Variants in EEPD1 observed in about 807,000 individuals in gnomAD.
The protein encoded by EEPD1 is endonuclease/exonuclease/phosphatase family domain containing 1, also known as endonuclease/exonuclease/phosphatase family domain-containing protein 1.
EEPD1 carries 17 observed loss-of-function variants against 46.3 expected under a neutral mutation model. The observed-to-expected ratio is 0.37, with a 90% CI of 0.25 to 0.55. The LOEUF (loss-of-function observed/expected upper bound fraction) is 0.55, where lower values mean the gene tolerates loss of function less well. EEPD1 is among the 20% of genes least tolerant of loss of function. The pLI is 0.83. For missense variants in EEPD1, 673 were observed against 745.6 expected, an observed-to-expected ratio of 0.90 and a Z score of 1.13; for synonymous variants, 313 against 315.6, an observed-to-expected ratio of 0.99 and a Z score of 0.09.
chr7:36,279,119 T>G (rs775539923), intron 3 of EEPD1, among the ~76,000 whole-genome samples: 12 of 131,196 alleles, frequency 9.1e-5, no homozygotes, highest in Non-Finnish European at 1.8e-4. Context: ...CCCCCTTCCC[T>G]GCCCCTGCTT....
At chr7:36,202,536 G>A (rs917223934) in intron 2 of EEPD1, among the ~76,000 whole-genome samples, 1 of 152,038 alleles carries the variant, frequency 6.6e-6, no homozygotes, top group Non-Finnish European at 1.5e-5. Flanking sequence ...GCTCTGCGAG[G>A]GTGTCCACAG....
chr7:36,190,218 T>G (rs186837001), intron 2 of EEPD1, among the ~76,000 whole-genome samples: 1 of 152,232 alleles, frequency 6.6e-6, no homozygotes, highest in East Asian at 1.9e-4. Flanking sequence ...CAACAAATTT[T>G]AAAGTTAGCT....
intron 2 of EEPD1, among the ~76,000 whole-genome samples, chr7:36,213,637 G>A (rs539885354): frequency 1.1e-4 from 17 of 152,246 alleles, no homozygotes; most frequent in South Asian, 2.1e-4. Context: ...CAAAGGAAGC[G>A]TCAGGCCAGC....
At chr7:36,227,519 T>A (rs1485363033) in intron 2 of EEPD1, among the ~76,000 whole-genome samples, 1 of 152,176 alleles carries the variant, frequency 6.6e-6, no homozygotes, top group Non-Finnish European at 1.5e-5. Context: ...GGCCCCTGTG[T>A]TTCCTCAGCT....
chr7:36,234,163 C>T (rs1261053044), intron 2 of EEPD1, among the ~76,000 whole-genome samples: 5 of 152,122 alleles, frequency 3.3e-5, no homozygotes, highest in African/African-American at 4.8e-5. Flanking sequence ...AAATGATCTA[C>T]CTGCCTTGTT....
At chr7:36,272,962 C>G (rs1035163232) in intron 3 of EEPD1, among the ~76,000 whole-genome samples, 7 of 152,194 alleles carry the variant, frequency 4.6e-5, no homozygotes, top group Non-Finnish European at 1.0e-4. Context: ...GCCCACCAGC[C>G]CCGGCCCCTC....
intron 3 of EEPD1, among the ~76,000 whole-genome samples, chr7:36,241,473 A>AAAT (rs1562698976): frequency 1.1e-4 from 17 of 151,976 alleles, no homozygotes; most frequent in Admixed American, 7.9e-4. Flanking sequence ...ACTCTGTCTC[A>AAAT]AAATAAATAA....
At chr7:36,173,325 TAAAAAA>T (rs34007011) in intron 2 of EEPD1, among the ~76,000 whole-genome samples, 2 of 103,620 alleles carry the variant, frequency 1.9e-5, no homozygotes, top group African/African-American at 4.0e-5. Context: ...CGTTTATACT[TAAAAAA>T]AAAAAAAAAA....
chr7:36,246,552 G>A (rs1299312337), intron 3 of EEPD1, among the ~76,000 whole-genome samples: 1 of 152,118 alleles, frequency 6.6e-6, no homozygotes, highest in Non-Finnish European at 1.5e-5. Context: ...CTGGCATCTC[G>A]TCCTTACTTC....
intron 2 of EEPD1, among the ~76,000 whole-genome samples, chr7:36,162,272 A>G (rs1288042570): frequency 6.6e-6 from 1 of 152,214 alleles, no homozygotes; most frequent in Non-Finnish European, 1.5e-5. Flanking sequence ...GTGGCTGGGA[A>G]CCCTGGAGAG....
chr7:36,197,562 T>C (rs1785631058), intron 2 of EEPD1, among the ~76,000 whole-genome samples: 1 of 152,262 alleles, frequency 6.6e-6, no homozygotes, highest in African/African-American at 2.4e-5. Flanking sequence ...CATTTTGTTC[T>C]GTACTAAGAA....
intron 3 of EEPD1, among the ~76,000 whole-genome samples, chr7:36,263,555 G>C (rs1786965808): frequency 6.6e-6 from 1 of 152,156 alleles, no homozygotes; most frequent in African/African-American, 2.4e-5. Flanking sequence ...ATAGCTCTGG[G>C]GATCTTCAGG....
intron 2 of EEPD1, among the ~76,000 whole-genome samples, chr7:36,176,343 G>T (rs180842895): frequency 6.6e-6 from 1 of 152,180 alleles, no homozygotes; most frequent in African/African-American, 2.4e-5. Flanking sequence ...ACAGTCTGCC[G>T]AAGAGCAGAA....
chr7:36,259,514 A>AT (rs201976570), intron 3 of EEPD1, among the ~76,000 whole-genome samples: 1 of 151,692 alleles, frequency 6.6e-6, no homozygotes, highest in African/African-American at 2.4e-5. Context: ...CATATATATA[A>AT]TTTTTTTTCT....
intron 3 of EEPD1, among the ~76,000 whole-genome samples, chr7:36,248,994 A>AACAGACACAC (rs1554318800): frequency 7.4e-6 from 1 of 135,350 alleles, no homozygotes; most frequent in Non-Finnish European, 1.6e-5. Context: ...TGGTTCATTA[A>AACAGACACAC]ACACACACAC....
At chr7:36,251,948 A>T (rs1469806819) in intron 3 of EEPD1, among the ~76,000 whole-genome samples, 1 of 152,198 alleles carries the variant, frequency 6.6e-6, no homozygotes. Context: ...AGCCACTTAG[A>T]CGCAGTGATA....
chr7:36,207,392 T>C (rs535319260), intron 2 of EEPD1, among the ~76,000 whole-genome samples: 22 of 152,334 alleles, frequency 1.4e-4, no homozygotes, highest in African/African-American at 5.1e-4. Flanking sequence ...GAAGGAGCAC[T>C]GCACGTTCTG....
chr7:36,214,149 G>A (rs1583813009), intron 2 of EEPD1, among the ~76,000 whole-genome samples: 1 of 152,158 alleles, frequency 6.6e-6, no homozygotes. Flanking sequence ...GGTCCTGGGG[G>A]AAAGGAATGG....
At chr7:36,198,366 ATT>A (rs1785650517) in intron 2 of EEPD1, among the ~76,000 whole-genome samples, 1 of 135,044 alleles carries the variant, frequency 7.4e-6, no homozygotes, top group Admixed American at 7.6e-5. Flanking sequence ...AAAGAAAGAT[ATT>A]TTCCTGAAAA....
Sources: allele counts gnomAD v4.1 joint callset (sites outside exome capture counted in the v4.1 genomes callset), GRCh38; gene constraint gnomAD v4.1.1; transcripts MANE v1.5; gene names NCBI Gene and HGNC (gene_info 2026-07-23, HGNC 2026-07-21).